LRP1B: variants seen among roughly 807,000 people sequenced by gnomAD.
The protein encoded by LRP1B is low-density lipoprotein receptor-related protein 1B.
In LRP1B, 217 loss-of-function variants were observed where a neutral mutation model predicts 556.6. That is an observed-to-expected ratio of 0.39 (90% CI 0.35 to 0.44). LRP1B has a LOEUF of 0.44. LRP1B is among the 20% of genes least tolerant of loss of function. The pLI is 1.00. For synonymous variants in LRP1B, 2,047 were observed against 1,865.8 expected (o/e 1.10, Z -2.50); for missense variants, 5,053 against 5,620.8 (o/e 0.90, Z 3.23).
chr2:141,129,646 C>G (rs1701300535), intron 7 of LRP1B, among the ~76,000 whole-genome samples: 1 of 151,830 alleles, frequency 6.6e-6, no homozygotes, highest in Non-Finnish European at 1.5e-5. Flanking sequence ...GGATATAAAT[C>G]TGTAAAATTA....
chr2:141,864,746 G>A (rs1438072569), intron 1 of LRP1B, among the ~76,000 whole-genome samples: 1 of 152,094 alleles, frequency 6.6e-6, no homozygotes, highest in African/African-American at 2.4e-5. Flanking sequence ...TCTGGGCGTG[G>A]TGGCACACAC....
intron 12 of LRP1B, among the ~76,000 whole-genome samples, chr2:141,019,198 C>A (rs1018144338): frequency 2.6e-5 from 4 of 151,856 alleles, no homozygotes; most frequent in African/African-American, 9.7e-5. Context: ...AACATATTAC[C>A]AAGAATTGGA....
rs143189723 is a variant in LRP1B at position 141,433,723 on chromosome 2, A to G, written c.343+46673T>C. On this transcript the variant is annotated intron_variant, in intron 3 of 90. Coordinates refer to ENST00000389484, the MANE Select transcript of LRP1B (RefSeq NM_018557.3). ...TCTATCTTTGGCTTTCAACTTTATG[A>G]CTATATGTCTGAGCGTGGTTCTCTT... Among the ~76,000 whole-genome samples, 652 of 151,318 alleles carry G rather than the reference A, an allele frequency of 4.3e-3. 7 individuals are homozygous for G. Among genetic ancestry groups the G allele is most frequent in the African/African-American group, 0.014 (572 of 41,228 alleles).
At chr2:140,287,538 C>T (rs1464199750) in intron 84 of LRP1B, among the ~76,000 whole-genome samples, 1 of 151,364 alleles carries the variant, frequency 6.6e-6, no homozygotes, top group Non-Finnish European at 1.5e-5. Flanking sequence ...ATAAATCTTC[C>T]AAGTTCTCAA....
intron 7 of LRP1B, among the ~76,000 whole-genome samples, chr2:141,096,629 G>GGGAGAGA (rs1700318118): frequency 1.7e-5 from 1 of 59,744 alleles, no homozygotes; most frequent in Non-Finnish European, 3.1e-5. Context: ...GGGGAGAGGG[G>GGGAGAGA]GAGAGAGAGA....
At chr2:140,866,504 C>T (rs1412748625) in intron 27 of LRP1B, among the ~76,000 whole-genome samples, 1 of 151,952 alleles carries the variant, frequency 6.6e-6, no homozygotes, top group East Asian at 1.9e-4. Context: ...TTATTGCTCA[C>T]CTATGTAAGC....
chr2:140,648,272 C>T (rs1236945883), intron 41 of LRP1B, among the ~76,000 whole-genome samples: 1 of 151,692 alleles, frequency 6.6e-6, no homozygotes, highest in African/African-American at 2.4e-5. Context: ...GGGAACGTCA[C>T]ACACCGGGGC....
chr2:140,476,066 C>T (rs1193250683), intron 59 of LRP1B, among the ~76,000 whole-genome samples: 5 of 151,900 alleles, frequency 3.3e-5, no homozygotes, highest in African/African-American at 1.2e-4. Flanking sequence ...AATATTGATA[C>T]TATATAATTA....
intron 7 of LRP1B, among the ~76,000 whole-genome samples, chr2:141,158,173 T>G (rs1702116329): frequency 6.6e-6 from 1 of 152,158 alleles, no homozygotes; most frequent in African/African-American, 2.4e-5. Flanking sequence ...TTTTTTCTCT[T>G]TTTAACCAGT....
At chr2:142,064,896 A>G (rs1705050814) in intron 1 of LRP1B, among the ~76,000 whole-genome samples, 1 of 151,656 alleles carries the variant, frequency 6.6e-6, no homozygotes, top group Admixed American at 6.6e-5. Flanking sequence ...TGTAATATGC[A>G]TATATACATA....
intron 5 of LRP1B, among the ~76,000 whole-genome samples, chr2:141,243,910 C>T (rs1463218253): frequency 6.6e-6 from 1 of 152,146 alleles, no homozygotes; most frequent in African/African-American, 2.4e-5. Context: ...CCCTTCAATA[C>T]AATTATTTCT....
chr2:141,309,827 C>T (rs1040075149), intron 3 of LRP1B, among the ~76,000 whole-genome samples: 1 of 151,882 alleles, frequency 6.6e-6, no homozygotes, highest in African/African-American at 2.4e-5. Context: ...ATGGATCCCA[C>T]CCCACCCCAC....
chr2:142,059,440 T>C (rs1032145527), intron 1 of LRP1B, among the ~76,000 whole-genome samples: 3 of 152,120 alleles, frequency 2.0e-5, no homozygotes, highest in African/African-American at 7.2e-5. Context: ...CCATACTAAT[T>C]GACAAAATGG....
chr2:141,782,847 G>A (rs79463264), intron 2 of LRP1B, among the ~76,000 whole-genome samples: 14,424 of 151,904 alleles, frequency 0.095, 952 homozygotes, highest in African/African-American at 0.18. Flanking sequence ...TGTTTACTCT[G>A]TGTAAGGCAC....
intron 5 of LRP1B, among the ~76,000 whole-genome samples, chr2:141,233,256 T>A (rs1473462556): frequency 6.6e-6 from 1 of 152,138 alleles, no homozygotes; most frequent in Non-Finnish European, 1.5e-5. Flanking sequence ...ACAGGTGACA[T>A]TTTAACTTAG....
rs530848736 is a variant in LRP1B, at chr2:141,755,833, G to T, written c.205+54446C>A. On this transcript the variant is annotated intron_variant, in intron 2 of 90. Coordinates refer to ENST00000389484, the MANE Select transcript of LRP1B (RefSeq NM_018557.3). ...TAGAATCCAGAGTGCAAGCTGAAGT[G>T]TAGATTTATATATTTACTGACTCTT... 1.7e-3 allele frequency among the ~76,000 whole-genome samples: 258 copies of T among 152,046 alleles called. 7 individuals are homozygous for T. The South Asian group carries it at 0.036, about 21-fold the overall frequency.
At chr2:141,382,851 A>G (rs1213828303) in intron 3 of LRP1B, among the ~76,000 whole-genome samples, 1 of 152,228 alleles carries the variant, frequency 6.6e-6, no homozygotes, top group African/African-American at 2.4e-5. Flanking sequence ...GTATAAGCAA[A>G]GAAAGCAAAA....
At chr2:141,175,563 C>T (rs887211344) in intron 7 of LRP1B, among the ~76,000 whole-genome samples, 7 of 152,126 alleles carry the variant, frequency 4.6e-5, no homozygotes, top group African/African-American at 1.7e-4. Flanking sequence ...GGATCCTCCA[C>T]TTAGATTTCA....
At chr2:140,942,194 G>A (rs890807165) in intron 20 of LRP1B, among the ~76,000 whole-genome samples, 11 of 152,014 alleles carry the variant, frequency 7.2e-5, no homozygotes, top group African/African-American at 2.2e-4. Context: ...AAAGAATTTC[G>A]AAGCTCAATG....
Sources: gnomAD v4.1 joint callset for allele counts (sites outside exome capture counted in the v4.1 genomes callset) on GRCh38, gnomAD v4.1.1 for gene constraint, MANE v1.5 for transcripts, NCBI Gene and HGNC (gene_info 2026-07-23, HGNC 2026-07-21) for gene names.